The following SLC24A2 variants were observed in gnomAD, a reference collection of about 807,000 sequenced individuals.
SLC24A2 encodes solute carrier family 24 member 2.
SLC24A2 carries 36 observed loss-of-function variants against 62.0 expected under a neutral mutation model. The ratio of observed to expected loss-of-function variants is 0.58; its 90% CI spans 0.44 to 0.77. The LOEUF (loss-of-function observed/expected upper bound fraction) is 0.77. Ranked by LOEUF, SLC24A2 falls within the 30% of genes least tolerant of loss-of-function variation. The probability of loss-of-function intolerance (pLI) is 0.00; values close to 1 mark genes in which losing one functional copy is unlikely to be tolerated. For synonymous variants in SLC24A2, 358 were observed against 294.0 expected, an observed-to-expected ratio of 1.22 and a Z score of -2.23; for missense variants, 846 against 817.9, an observed-to-expected ratio of 1.03 and a Z score of -0.42.
At chr9:19,557,960 C>G (rs940895120) in intron 7 of SLC24A2, among the ~76,000 whole-genome samples, 1 of 151,970 alleles carries the variant, frequency 6.6e-6, no homozygotes, top group African/African-American at 2.4e-5. Flanking sequence ...GCTGAGACTA[C>G]ACGTATGCAC....
chr9:20,305,428 C>T, the SLC24A2 span, among the ~76,000 whole-genome samples: 6 of 152,052 alleles, frequency 3.9e-5, no homozygotes, highest in African/African-American at 1.2e-4. Flanking sequence ...TAATAGTTAC[C>T]AAGGAGTCAG....
the SLC24A2 span, among the ~76,000 whole-genome samples, chr9:20,009,137 G>A: frequency 0.022 from 3,328 of 152,214 alleles, 133 homozygotes; most frequent in African/African-American, 0.075. Context: ...GTTGGAGGTG[G>A]ACATTCAGCC....
At chr9:19,848,336 T>C in the SLC24A2 span, among the ~76,000 whole-genome samples, 1 of 152,140 alleles carries the variant, frequency 6.6e-6, no homozygotes, top group African/African-American at 2.4e-5. Flanking sequence ...AGAAAATGAG[T>C]GGGTTCAAAG....
chr9:19,826,042 C>T, the SLC24A2 span, among the ~76,000 whole-genome samples: 1 of 151,920 alleles, frequency 6.6e-6, no homozygotes, highest in Admixed American at 6.6e-5. Context: ...ATTCTCCTTG[C>T]TCAGGGGATG....
At chr9:19,878,912 A>G in the SLC24A2 span, among the ~76,000 whole-genome samples, 1 of 152,162 alleles carries the variant, frequency 6.6e-6, no homozygotes, top group African/African-American at 2.4e-5. Context: ...TGCCACACAT[A>G]GAATATTGTC....
chr9:20,210,274 C>T, the SLC24A2 span, among the ~76,000 whole-genome samples: 1 of 152,160 alleles, frequency 6.6e-6, no homozygotes, highest in African/African-American at 2.4e-5. Context: ...AGAGTTACAG[C>T]TTAAACTAAC....
the SLC24A2 span, among the ~76,000 whole-genome samples, chr9:20,218,491 A>G: frequency 6.6e-6 from 1 of 152,110 alleles, no homozygotes. Flanking sequence ...GGGAGCACTA[A>G]AACCCACCCT....
chr9:19,834,325 G>GA, the SLC24A2 span, among the ~76,000 whole-genome samples: 13,519 of 151,166 alleles, frequency 0.089, 692 homozygotes, highest in African/African-American at 0.15. Context: ...TAAAAACTTT[G>GA]AAAAAAAATT....
At chr9:20,211,488 G>A in the SLC24A2 span, among the ~76,000 whole-genome samples, 2 of 152,048 alleles carry the variant, frequency 1.3e-5, no homozygotes, top group African/African-American at 4.8e-5. Flanking sequence ...CTCCAGCCTG[G>A]GCAAGAAGAG....
chr9:20,131,952 T>C, the SLC24A2 span, among the ~76,000 whole-genome samples: 1 of 152,296 alleles, frequency 6.6e-6, no homozygotes, highest in East Asian at 1.9e-4. Context: ...GTAAACAGTT[T>C]ATGTAATTAA....
chr9:19,585,263 G>C (rs1222787479), intron 5 of SLC24A2, among the ~76,000 whole-genome samples: 2 of 152,010 alleles, frequency 1.3e-5, no homozygotes, highest in African/African-American at 2.4e-5. Context: ...GTATAAATGT[G>C]TGCATATTTC....
the SLC24A2 span, among the ~76,000 whole-genome samples, chr9:20,043,448 C>T: frequency 2.0e-5 from 3 of 152,176 alleles, no homozygotes; most frequent in Admixed American, 6.5e-5. Context: ...TCTGATGGAT[C>T]TGGACAAAGT....
chr9:20,243,628 G>C, the SLC24A2 span, among the ~76,000 whole-genome samples: 1 of 152,054 alleles, frequency 6.6e-6, no homozygotes, highest in Admixed American at 6.6e-5. Flanking sequence ...TCTCAATTTT[G>C]TTATATATAT....
chr9:19,660,133 G>A (rs1329485603), intron 2 of SLC24A2, among the ~76,000 whole-genome samples: 3 of 152,124 alleles, frequency 2.0e-5, no homozygotes, highest in Admixed American at 6.6e-5. Flanking sequence ...TGTCCCTTCC[G>A]GACCAGCTCA....
chr9:20,056,889 A>T, the SLC24A2 span, among the ~76,000 whole-genome samples: 1 of 151,748 alleles, frequency 6.6e-6, no homozygotes. Flanking sequence ...AATTTAAAAA[A>T]CCCCTCTCTT....
chr9:19,755,699 T>A (rs1016167602), intron 2 of SLC24A2, among the ~76,000 whole-genome samples: 7 of 152,170 alleles, frequency 4.6e-5, no homozygotes, highest in African/African-American at 1.7e-4. Flanking sequence ...AAGCAACACT[T>A]CTTAAGTCCA....
the SLC24A2 span, among the ~76,000 whole-genome samples, chr9:19,907,094 T>C: frequency 1.3e-5 from 2 of 152,140 alleles, no homozygotes; most frequent in African/African-American, 4.8e-5. Flanking sequence ...ACTGGCAAAC[T>C]GAATCCAGCA....
intron 2 of SLC24A2, among the ~76,000 whole-genome samples, chr9:19,765,545 T>A (rs1049011943): frequency 2.6e-5 from 4 of 152,224 alleles, no homozygotes; most frequent in Admixed American, 6.5e-5. Flanking sequence ...TTATTTCTCC[T>A]TCATGTATGA....
chr9:19,725,670 G>T (rs981475376), intron 2 of SLC24A2, among the ~76,000 whole-genome samples: 12 of 152,094 alleles, frequency 7.9e-5, no homozygotes, highest in African/African-American at 2.4e-4. Flanking sequence ...AATAAAGATT[G>T]CAGCATTAAA....
Sources: gnomAD v4.1 joint callset for allele counts (sites outside exome capture counted in the v4.1 genomes callset) on GRCh38, gnomAD v4.1.1 for gene constraint, MANE v1.5 for transcripts, NCBI Gene and HGNC (gene_info 2026-07-23, HGNC 2026-07-21) for gene names.